The following RBFOX1 variants were observed in gnomAD, a reference collection of about 807,000 sequenced individuals.
RBFOX1 encodes the protein RNA binding fox-1 homolog 1, also known as RNA binding protein fox-1 homolog 1.
In RBFOX1, 8 loss-of-function variants were observed where a neutral mutation model predicts 57.7. The ratio of observed to expected loss-of-function variants is 0.14; its 90% confidence interval spans 0.08 to 0.25. The LOEUF is 0.25. RBFOX1 is among the 10% of genes least tolerant of loss of function. RBFOX1 has a pLI of 1.00. For synonymous variants in RBFOX1, 326 were observed against 222.4 expected (o/e 1.47, Z -4.15); for missense variants, 611 against 548.5 (o/e 1.11, Z -1.14).
chr16:6,053,312 G>C (rs1456900455), intron 1 of RBFOX1, among the ~76,000 whole-genome samples: 1 of 152,172 alleles, frequency 6.6e-6, no homozygotes, highest in Non-Finnish European at 1.5e-5. Context: ...TGCGCAGAGA[G>C]CTTGATGAAG....
At chr16:6,014,944 C>T (rs147179545), upstream of RBFOX1, among the ~76,000 whole-genome samples, 2 of 151,594 alleles carry the variant, frequency 1.3e-5, no homozygotes, top group South Asian at 2.1e-4. Flanking sequence ...TAGCCTCAAG[C>T]TCCCAGGCTT....
chr16:6,650,225 G>A (rs766939460), intron 2 of RBFOX1, among the ~76,000 whole-genome samples: 20 of 152,136 alleles, frequency 1.3e-4, no homozygotes, highest in Non-Finnish European at 2.4e-4. Flanking sequence ...ACTTTGAGAA[G>A]CACATGTACC....
intron 9 of RBFOX1, among the ~76,000 whole-genome samples, chr16:7,606,204 C>G (rs2095280301): frequency 6.6e-6 from 1 of 151,276 alleles, no homozygotes; most frequent in Non-Finnish European, 1.5e-5. Flanking sequence ...TCACTGCAAC[C>G]TCTGCCTCCC....
At chr16:5,318,184 A>G (rs1173164395) in intron 1 of RBFOX1, among the ~76,000 whole-genome samples, 1 of 152,146 alleles carries the variant, frequency 6.6e-6, no homozygotes, top group Non-Finnish European at 1.5e-5. Flanking sequence ...GCTGGAGTGC[A>G]GTGACACGAT....
In RBFOX1 at chr16:5,760,857, G is replaced by A. The variant is rs531186902; in HGVS notation, c.319-106446G>A. Among the ~76,000 whole-genome samples the A allele has an allele frequency of 3.9e-5, 6 of 152,302 alleles. No homozygotes were observed. The South Asian group carries it at 1.0e-3, about 26-fold the overall frequency. On this transcript the variant is annotated intron_variant, in intron 3 of 19. Coordinates refer to the RBFOX1 transcript ENST00000641259. ...GGGAGCAGAAAGGAGAGAGGAGTAG[G>A]GAGCGAGTGGGGTTTCCCTTTGGGG...
Position 7,154,117 on chromosome 16 carries a change from A to G in RBFOX1, c.27+102019A>G, listed in dbSNP as rs534363980. Reference sequence around the variant, plus strand: ...ATATTAGCAGGTAGAAAAGCACTCAAGATTGTTTTTGCACATCATAGTTCA... The same window carrying G: ...ATATTAGCAGGTAGAAAAGCACTCAGGATTGTTTTTGCACATCATAGTTCA... On this transcript the variant is annotated intron_variant, in intron 4 of 15. Coordinates refer to ENST00000550418, the MANE Select transcript of RBFOX1 (RefSeq NM_018723.4). Among the ~76,000 whole-genome samples the G allele has an allele frequency of 1.6e-3, 244 of 152,336 alleles. 1 individual carries two copies. The highest frequency in any genetic ancestry group is 5.6e-3 in the African/African-American group (233 of 41,580).
chr16:5,522,810 G>A (rs2044073101), intron 2 of RBFOX1, among the ~76,000 whole-genome samples: 1 of 152,130 alleles, frequency 6.6e-6, no homozygotes, highest in Admixed American at 6.5e-5. Context: ...TTCTGTGCCT[G>A]GCTTATTTCA....
chr16:6,831,656 A>G (rs964757184), intron 3 of RBFOX1, among the ~76,000 whole-genome samples: 1 of 152,158 alleles, frequency 6.6e-6, no homozygotes, highest in Non-Finnish European at 1.5e-5. Context: ...CATTTTTTTT[A>G]ATACAAAGAT....
At chr16:7,225,464 T>C (rs748512980) in intron 4 of RBFOX1, among the ~76,000 whole-genome samples, 18 of 152,174 alleles carry the variant, frequency 1.2e-4, no homozygotes, top group Admixed American at 4.6e-4. Flanking sequence ...TCCACCATGA[T>C]TGTGAGGCCT....
chr16:5,958,413 T>G (rs1473803362), intron 4 of RBFOX1, among the ~76,000 whole-genome samples: 1 of 152,132 alleles, frequency 6.6e-6, no homozygotes, highest in Non-Finnish European at 1.5e-5. Context: ...TATCATACAG[T>G]GGTTATAAGT....
At chr16:5,595,911 T>C (rs2047165386) in intron 2 of RBFOX1, among the ~76,000 whole-genome samples, 1 of 151,994 alleles carries the variant, frequency 6.6e-6, no homozygotes, top group Non-Finnish European at 1.5e-5. Context: ...TGGAGAGGTG[T>C]AAAAGTGGCA....
intron 3 of RBFOX1, among the ~76,000 whole-genome samples, chr16:5,842,799 T>G (rs2056658156): frequency 6.6e-6 from 1 of 152,054 alleles, no homozygotes; most frequent in African/African-American, 2.4e-5. Flanking sequence ...ACCACATTAC[T>G]ATTTTTGTTT....
At chr16:7,332,770 C>A in intron 4 of RBFOX1, 1 of 1,382,320 alleles carries the variant, frequency 7.2e-7, no homozygotes, top group Non-Finnish European at 9.4e-7. Flanking sequence ...TTGGTAGCTT[C>A]AACTTTGCAG....
chr16:6,404,230 A>ATT (rs1302569593), intron 2 of RBFOX1, among the ~76,000 whole-genome samples: 1 of 152,192 alleles, frequency 6.6e-6, no homozygotes, highest in Non-Finnish European at 1.5e-5. Context: ...TAGCATTTGC[A>ATT]TTTGTATTAA....
intron 4 of RBFOX1, among the ~76,000 whole-genome samples, chr16:7,229,124 A>G (rs535113597): frequency 1.3e-5 from 2 of 152,218 alleles, no homozygotes; most frequent in African/African-American, 4.8e-5. Flanking sequence ...CAAGTAGTCA[A>G]GTAAGAAGCA....
At chr16:7,144,411 T>TTTC (rs202150743) in intron 4 of RBFOX1, among the ~76,000 whole-genome samples, 3,600 of 112,274 alleles carry the variant, frequency 0.032, 566 homozygotes, top group African/African-American at 0.078. Context: ...TTTCTTTTTC[T>TTTC]TTCTTCTTTT....
chr16:5,940,651 A>G (rs2059260424), intron 4 of RBFOX1, among the ~76,000 whole-genome samples: 1 of 152,264 alleles, frequency 6.6e-6, no homozygotes, highest in African/African-American at 2.4e-5. Flanking sequence ...GGCCTGCCCC[A>G]TAGTGGGAGC....
intron 2 of RBFOX1, among the ~76,000 whole-genome samples, chr16:6,378,327 G>C (rs2091433114): frequency 6.6e-6 from 1 of 152,218 alleles, no homozygotes; most frequent in African/African-American, 2.4e-5. Context: ...GCCCAACAGA[G>C]AGATGGTGAC....
intron 3 of RBFOX1, among the ~76,000 whole-genome samples, chr16:6,986,075 A>T (rs1012571354): frequency 6.6e-6 from 1 of 151,640 alleles, no homozygotes; most frequent in Non-Finnish European, 1.5e-5. Flanking sequence ...TCTTTTTAAA[A>T]ATGTGCAATA....
Sources: allele counts gnomAD v4.1 joint callset (sites outside exome capture counted in the v4.1 genomes callset), GRCh38; gene constraint gnomAD v4.1.1; transcripts MANE v1.5; gene names NCBI Gene and HGNC (gene_info 2026-07-23, HGNC 2026-07-21).